Variants in SLC7A8 observed in about 807,000 individuals in gnomAD.
SLC7A8 encodes the protein large neutral amino acids transporter small subunit 2.
SLC7A8 carries 30 observed loss-of-function variants against 51.2 expected under a neutral mutation model. The observed-to-expected ratio is 0.59, with a 90% CI of 0.44 to 0.80. The LOEUF is 0.80. Among genes scored for constraint, SLC7A8 ranks in the 30% least tolerant of loss-of-function variants. The pLI is 0.00. For synonymous variants in SLC7A8, 257 were observed against 275.8 expected (o/e 0.93, Z 0.67); for missense variants, 612 against 674.4 (o/e 0.91, Z 1.03).
intron 3 of SLC7A8, among the ~76,000 whole-genome samples, chr14:23,159,069 C>T (rs2048908383): frequency 6.6e-6 from 1 of 152,152 alleles, no homozygotes; most frequent in South Asian, 2.1e-4. Context: ...CTGTGTTGCC[C>T]ACATTTTTTC....
At chr14:23,179,061 G>A (rs1419841967) in intron 1 of SLC7A8, among the ~76,000 whole-genome samples, 2 of 151,840 alleles carry the variant, frequency 1.3e-5, no homozygotes, top group Non-Finnish European at 2.9e-5. Flanking sequence ...TTTGATCTAG[G>A]AAATAACAGT....
chr14:23,172,909 A>G (rs188418689), intron 1 of SLC7A8, among the ~76,000 whole-genome samples: 1 of 151,432 alleles, frequency 6.6e-6, no homozygotes, highest in African/African-American at 2.5e-5. Context: ...TTGAGCCTGG[A>G]TGATTTTTTT....
At chr14:23,155,222 C>T (rs747189751) in intron 3 of SLC7A8, 14 of 1,535,904 alleles carry the variant, frequency 9.1e-6, no homozygotes, top group African/African-American at 2.7e-5. Context: ...CTGAGCCTTC[C>T]GGAAGGGCCT....
At position 23,129,812 on chromosome 14, in the gene SLC7A8, G is replaced by A. The variant is rs1005619895; in HGVS notation, c.1114-13C>T. The A allele has an allele frequency of 6.8e-6, 11 of 1,613,730 alleles. No homozygotes were observed. The highest frequency in any genetic ancestry group is 9.3e-6 in the Non-Finnish European group (11 of 1,179,850). Reference sequence around the variant, plus strand: ...GGGTGGAGATGCACTGGGAAAGTGGGAGGAGCTCATCAGTGATCCGAAAGA... The same window carrying A: ...GGGTGGAGATGCACTGGGAAAGTGGAAGGAGCTCATCAGTGATCCGAAAGA... On this transcript the variant is annotated splice_polypyrimidine_tract_variant and intron_variant, in intron 8 of 10. Coordinates refer to ENST00000316902, the MANE Select transcript of SLC7A8 (RefSeq NM_012244.4).
chr14:23,182,739 G>A (rs1464152877), intron 1 of SLC7A8, 25 bp downstream of exon 1: 2 of 1,526,830 alleles, frequency 1.3e-6, no homozygotes, highest in African/African-American at 1.4e-5. Flanking sequence ...GAGAGGAGGG[G>A]TCCGCGGGAA....
In SLC7A8 at chr14:23,128,032, G is replaced by C; in HGVS notation, c.1428C>G (p.Phe476Leu). The C allele has an allele frequency of 6.2e-7, 1 of 1,613,954 alleles. No individual in the cohort carries two copies. Among genetic ancestry groups the C allele is most frequent in the Middle Eastern group, 1.7e-4 (1 of 6,060 alleles). ...CCAACAACTCACCAATGAAGTCACT[G>C]AAACACTTGGGCTTGTGTTGCCAGT... ...GVYWQHKPKC[F>L]SDFIELLTLV... Residue 476 changes from phenylalanine to leucine, a missense_variant, in exon 10 of 11, where the codon TTC (phenylalanine) becomes TTG (leucine). Physicochemically the swap from Phe to Leu is conservative, Grantham distance 22. Coordinates refer to ENST00000316902, the MANE Select transcript of SLC7A8 (RefSeq NM_012244.4). The surrounding 1 kb of genome is among the most constrained non-coding windows in gnomAD (Gnocchi z 4.3).
intron 1 of SLC7A8, among the ~76,000 whole-genome samples, chr14:23,173,697 G>C (rs1374762907): frequency 6.6e-6 from 1 of 151,922 alleles, no homozygotes; most frequent in Non-Finnish European, 1.5e-5. Flanking sequence ...ACCCAGGCTG[G>C]AGTGCACAAT....
chr14:23,139,398 G>A (rs1304641779), intron 6 of SLC7A8, 26 bp downstream of exon 6: 13 of 1,613,586 alleles, frequency 8.1e-6, no homozygotes, highest in Admixed American at 1.7e-5. Flanking sequence ...TTCCTGGTAT[G>A]AGACTCTGGG....
Position 23,140,574 on chromosome 14 carries a change from G to C in SLC7A8, c.685C>G (p.Pro229Ala), listed in dbSNP as rs199753830. ...GCCAGTGCGACGAGGCCGATGTCAG[G>C]TTCCTGGAAATTCTCAAATGCATTC... is the stretch of plus-strand genomic sequence containing the variant. Reference protein sequence around the residue: ...PKNAFENFQEPDIGLVALAFL... With the variant: ...PKNAFENFQEADIGLVALAFL... The change falls in exon 5 of 11, where the codon CCT (proline) becomes GCT (alanine). Residue 229 changes from proline (P) to alanine (A), a missense_variant. Transcript: ENST00000316902. The C allele has an allele frequency of 2.7e-5, 43 of 1,614,106 alleles. No homozygotes were observed. The highest frequency in any genetic ancestry group is 1.6e-4 in the East Asian group (7 of 44,884).
At chr14:23,156,056 T>C (rs1241032920) in intron 3 of SLC7A8, among the ~76,000 whole-genome samples, 1 of 151,732 alleles carries the variant, frequency 6.6e-6, no homozygotes, top group Non-Finnish European at 1.5e-5. Context: ...TGGAGTGCAA[T>C]GGCACGATCT....
chr14:23,136,047 A>C (rs1408430275), intron 7 of SLC7A8, among the ~76,000 whole-genome samples: 1 of 152,178 alleles, frequency 6.6e-6, no homozygotes, highest in African/African-American at 2.4e-5. Flanking sequence ...GTACAGCTTG[A>C]TAGGAACAAA....
chr14:23,181,452 T>TGG (rs35513137), intron 1 of SLC7A8, among the ~76,000 whole-genome samples: 93 of 66,896 alleles, frequency 1.4e-3, no homozygotes, highest in Middle Eastern at 0.014. Context: ...TTGGTGGGGG[T>TGG]GGGGGGGGGA....
At chr14:23,135,381 C>A (rs964946857) in intron 7 of SLC7A8, among the ~76,000 whole-genome samples, 2 of 151,048 alleles carry the variant, frequency 1.3e-5, no homozygotes, top group African/African-American at 4.9e-5. Context: ...TGAGCCACTG[C>A]GCCTGGACAT....
intron 1 of SLC7A8, 22 bp downstream of exon 1, chr14:23,182,742 C>G (rs371148952): frequency 6.6e-7 from 1 of 1,525,964 alleles, no homozygotes; most frequent in Non-Finnish European, 8.8e-7. Context: ...AGGAGGGGTC[C>G]GCGGGAAGGA....
At chr14:23,136,702 G>A (rs2048693501) in intron 7 of SLC7A8, among the ~76,000 whole-genome samples, 1 of 152,204 alleles carries the variant, frequency 6.6e-6, no homozygotes, top group South Asian at 2.1e-4. Context: ...CACACGACTA[G>A]ACCACATGCA....
chr14:23,127,320 T>C lies in SLC7A8; in HGVS notation c.1465A>G (p.Lys489Glu). The change falls in exon 11 of 11, where the codon AAG becomes GAG. Residue 489 changes from lysine to glutamate, a missense_variant. Coordinates refer to ENST00000316902, the MANE Select transcript of SLC7A8 (RefSeq NM_012244.4). ...FIELLTLVSQ[K>E]MCVVVYPEVE... ...TCGGGGTACACGACCACACACATCT[T>C]CTGGCTCACCAGGGTTAGCAGCTCT... is the stretch of plus-strand genomic sequence containing the variant. The C allele has an allele frequency of 6.2e-7, 1 of 1,614,104 alleles. No individual in the cohort carries two copies. Among genetic ancestry groups the C allele is most frequent in the Non-Finnish European group, 8.5e-7 (1 of 1,179,954 alleles).
At chr14:23,150,668 T>G (rs2048838777) in intron 3 of SLC7A8, among the ~76,000 whole-genome samples, 1 of 152,214 alleles carries the variant, frequency 6.6e-6, no homozygotes, top group Non-Finnish European at 1.5e-5. Flanking sequence ...ATTGTTCATC[T>G]TAAGAAACTG....
rs2048945194 is a variant in SLC7A8, at chr14:23,165,522, T to A, written c.357-86A>T. On this transcript the variant is annotated intron_variant, in intron 2 of 10. Transcript: ENST00000316902. This position sits in a 1 kb window ranked among gnomAD's most constrained non-coding sequence, Gnocchi z 4.2. ...GAGCCCGGGCAAGTCATGCATCTCTTTTTTATTTTCAAGGATGCTGAAGAG... is the reference window on the plus strand; with the variant it reads ...GAGCCCGGGCAAGTCATGCATCTCTATTTTATTTTCAAGGATGCTGAAGAG... 2 of 1,409,548 alleles carry A rather than the reference T, an allele frequency of 1.4e-6. No homozygotes were observed. Among genetic ancestry groups the A allele is most frequent in the Admixed American group, 3.1e-5 (1 of 32,704 alleles). The allele number at this position is 1,409,548 out of a possible 1,614,324, so 87.3% of individuals were successfully genotyped here.
At chr14:23,155,408 T>G (rs2048885751) in intron 3 of SLC7A8, 1 of 1,455,480 alleles carries the variant, frequency 6.9e-7, no homozygotes, top group African/African-American at 1.4e-5. Flanking sequence ...CTTCTTATCC[T>G]GTTAGCTCCT....
Sources: allele counts gnomAD v4.1 joint callset (sites outside exome capture counted in the v4.1 genomes callset), GRCh38; gene constraint gnomAD v4.1.1; non-coding constraint Gnocchi (gnomAD v3.1); transcripts MANE v1.5; gene names NCBI Gene and HGNC (gene_info 2026-07-23, HGNC 2026-07-21).